The following CDK19 variants were observed in gnomAD, a reference collection of about 807,000 sequenced individuals.
CDK19 encodes cyclin-dependent kinase 19.
Under a neutral mutation model 68.3 loss-of-function variants are expected in CDK19, and 20 were observed. That is an observed-to-expected ratio of 0.29 (90% CI 0.21 to 0.43). The LOEUF is 0.43. CDK19 is among the 20% of genes least tolerant of loss of function. The pLI is 1.00. For missense variants in CDK19, 339 were observed against 623.5 expected, an observed-to-expected ratio of 0.54 and a Z score of 4.86; for synonymous variants, 221 against 222.8, an observed-to-expected ratio of 0.99 and a Z score of 0.07.
At chr6:110,795,929 A>G (rs1323768341) in intron 1 of CDK19, among the ~76,000 whole-genome samples, 3 of 152,186 alleles carry the variant, frequency 2.0e-5, no homozygotes, top group Non-Finnish European at 4.4e-5. Flanking sequence ...GTATCTTAGT[A>G]ATTTGTTCAC....
intron 8 of CDK19, among the ~76,000 whole-genome samples, chr6:110,626,236 T>G (rs762456068): frequency 2.0e-5 from 3 of 152,234 alleles, no homozygotes; most frequent in Non-Finnish European, 4.4e-5. Flanking sequence ...AAACCTGAAC[T>G]ATATATGTTA....
chr6:110,758,620 A>C (rs1019270756), intron 1 of CDK19, among the ~76,000 whole-genome samples: 6 of 152,160 alleles, frequency 3.9e-5, no homozygotes, highest in African/African-American at 1.2e-4. Flanking sequence ...TTTCACAGTA[A>C]TAAGAAAATC....
At chr6:110,668,132 G>T (rs1034300909) in intron 3 of CDK19, among the ~76,000 whole-genome samples, 3 of 152,106 alleles carry the variant, frequency 2.0e-5, no homozygotes, top group South Asian at 4.1e-4. Flanking sequence ...ATACAACTGG[G>T]TCACCATATT....
chr6:110,629,456 G>T (rs1369860317), intron 6 of CDK19, among the ~76,000 whole-genome samples: 2 of 152,114 alleles, frequency 1.3e-5, no homozygotes, highest in Non-Finnish European at 2.9e-5. Flanking sequence ...CCGGGTTCAA[G>T]GGGTTCTCTC....
chr6:110,684,439 T>G (rs892140222), intron 2 of CDK19, among the ~76,000 whole-genome samples: 4 of 105,190 alleles, frequency 3.8e-5, no homozygotes, highest in East Asian at 2.6e-4. Flanking sequence ...AATGGTGGGG[T>G]GGGGGGTGGG....
intron 2 of CDK19, among the ~76,000 whole-genome samples, chr6:110,731,096 G>GAAAGA (rs1188786990): frequency 7.8e-6 from 1 of 128,456 alleles, no homozygotes; most frequent in Non-Finnish European, 1.7e-5. Context: ...AAGGAAGGAA[G>GAAAGA]AAAGAAAAGA....
rs1056887408 is a variant in CDK19 at position 110,696,196 on chromosome 6, T to C, written c.205-25655A>G. On this transcript the variant is annotated intron_variant, in intron 2 of 12. Transcript: ENST00000368911. ...AGTGATACAGGGATGGTTTAACATA[T>C]GCAAGCCAATAAATGTGATACATCA... Among the ~76,000 whole-genome samples the C allele has an allele frequency of 5.3e-5, 8 of 152,118 alleles. No homozygotes were observed. In the East Asian group the frequency reaches 7.7e-4, roughly 15 times the overall value.
rs1248812168 is a variant in CDK19, at chr6:110,710,116, T to C, written c.204+36010A>G. Among the ~76,000 whole-genome samples the C allele has an allele frequency of 3.9e-5, 6 of 152,310 alleles. No individual in the cohort carries two copies. In the South Asian group the frequency reaches 6.2e-4, roughly 16 times the overall value. ...TAACAATGCAAAGTACTAAACACCATTTAAGAAGAAAGGCGGCTCATGACA... is the reference window on the plus strand; with the variant it reads ...TAACAATGCAAAGTACTAAACACCACTTAAGAAGAAAGGCGGCTCATGACA... On this transcript the variant is annotated intron_variant, in intron 2 of 12. Coordinates refer to ENST00000368911, the MANE Select transcript of CDK19 (RefSeq NM_015076.5).
At chr6:110,773,916 A>G (rs1180140416) in intron 1 of CDK19, 1 of 152,186 alleles carries the variant, frequency 6.6e-6, no homozygotes, top group Non-Finnish European at 1.5e-5. Context: ...CTTGAGGTCC[A>G]TACACGAAGC....
At chr6:110,707,014 A>AT (rs969442758) in intron 2 of CDK19, 1 of 151,250 alleles carries the variant, frequency 6.6e-6, no homozygotes, top group East Asian at 1.9e-4. Flanking sequence ...AAAAAAAAAA[A>AT]AAAACTGAGA....
chr6:110,756,516 T>A (rs1252792769), intron 1 of CDK19, among the ~76,000 whole-genome samples: 1 of 151,456 alleles, frequency 6.6e-6, no homozygotes, highest in East Asian at 1.9e-4. Flanking sequence ...GAGCCAAGAT[T>A]GCGCCACTGC....
intron 2 of CDK19, among the ~76,000 whole-genome samples, chr6:110,698,395 A>G (rs1239396509): frequency 6.6e-6 from 1 of 152,194 alleles, no homozygotes; most frequent in East Asian, 1.9e-4. Flanking sequence ...GTCAATAAAT[A>G]TATGAAAAAA....
At chr6:110,744,256 C>T (rs930928571) in intron 2 of CDK19, among the ~76,000 whole-genome samples, 2 of 151,944 alleles carry the variant, frequency 1.3e-5, no homozygotes, top group South Asian at 2.1e-4. Flanking sequence ...ATCCACCCCC[C>T]CAACAGCCTC....
chr6:110,638,750 T>C (rs1779942860), intron 4 of CDK19, 44 bp from the exon 5 acceptor site: 1 of 1,025,542 alleles, frequency 9.8e-7, no homozygotes. Flanking sequence ...GTTTATTCTT[T>C]TGACATGCTC....
Position 110,621,468 on chromosome 6 carries a change from G to A in CDK19, c.1111-98C>T, listed in dbSNP as rs1778712179. The A allele has an allele frequency of 8.3e-7, 1 of 1,211,450 alleles. No homozygotes were observed. Among genetic ancestry groups the A allele is most frequent in the African/African-American group, 1.5e-5 (1 of 65,916 alleles). 75.0% of individuals were successfully genotyped at this position (1,211,450 alleles called of 1,614,324 possible). The stretch of plus-strand genomic sequence containing the variant: ...ACATGTGGCTGCTGACCAACCTGGG[G>A]GAGCAATCTATGTGGGACACTAGAG... On this transcript the variant is annotated intron_variant, in intron 11 of 12. Transcript: ENST00000368911. This position sits in a 1 kb window ranked among gnomAD's most constrained non-coding sequence, Gnocchi z 5.4.
chr6:110,670,359 A>G lies in CDK19; in HGVS notation c.315+72T>C. On this transcript the variant is annotated intron_variant, in intron 3 of 12. Transcript: ENST00000368911. ...AAGCTTTCCTTTCTGTGCATTAACA[A>G]TATGTATTTTATATAAATATGCTCC... The G allele has an allele frequency of 2.7e-6, 2 of 749,388 alleles. 1 individual carries two copies. Among genetic ancestry groups the G allele is most frequent in the South Asian group, 3.6e-5 (2 of 56,010 alleles). The allele number at this position is 749,388 out of a possible 1,614,324, so 46.4% of individuals were successfully genotyped here.
chr6:110,772,890 CAAAA>C (rs60201424), intron 1 of CDK19, among the ~76,000 whole-genome samples: 13 of 100,598 alleles, frequency 1.3e-4, no homozygotes, highest in Admixed American at 2.1e-4. Context: ...GTCCCTGTCC[CAAAA>C]AAAAAAAAAA....
intron 3 of CDK19, 95 bp downstream of exon 3, chr6:110,670,336 G>T: frequency 1.7e-6 from 1 of 598,096 alleles, no homozygotes; most frequent in Non-Finnish European, 2.9e-6. Flanking sequence ...AACAGAGCAA[G>T]CTTTCCTTTC....
intron 2 of CDK19, among the ~76,000 whole-genome samples, chr6:110,699,280 C>T (rs1773780188): frequency 6.6e-6 from 1 of 151,848 alleles, no homozygotes; most frequent in African/African-American, 2.4e-5. Context: ...CAAAAATTAG[C>T]TGGTTGTGGT....
Sources: gnomAD v4.1 joint callset for allele counts (sites outside exome capture counted in the v4.1 genomes callset) on GRCh38, gnomAD v4.1.1 for gene constraint, Gnocchi (gnomAD v3.1) non-coding constraint, MANE v1.5 for transcripts, NCBI Gene and HGNC (gene_info 2026-07-23, HGNC 2026-07-21) for gene names.